Variants in RIPOR2 observed in about 807,000 individuals in gnomAD.
RIPOR2 encodes the protein RHO family interacting cell polarization regulator 2, also known as rho family-interacting cell polarization regulator 2.
A neutral mutation model predicts 114.5 loss-of-function variants in RIPOR2; 39 were observed. The observed-to-expected ratio is 0.34, with a 90% CI of 0.26 to 0.44. The LOEUF is 0.44. Among genes scored for constraint, RIPOR2 ranks in the 20% least tolerant of loss-of-function variants. The probability of loss-of-function intolerance (pLI) is 1.00; values close to 1 mark genes in which losing one functional copy is unlikely to be tolerated. For synonymous variants in RIPOR2, 445 were observed against 484.4 expected, an observed-to-expected ratio of 0.92 and a Z score of 1.07; for missense variants, 1,007 against 1,255.1, an observed-to-expected ratio of 0.80 and a Z score of 2.99.
chr6:24,942,316 A>C lies in RIPOR2; in HGVS notation c.77-66499T>G, dbSNP rs55825750. Among the ~76,000 whole-genome samples the C allele has an allele frequency of 2.6e-3, 403 of 152,346 alleles. 1 individual carries two copies. The highest frequency in any genetic ancestry group is 9.1e-3 in the African/African-American group (378 of 41,574). ...ATCAAGAAATGTATTTTTAAATAATAATTTATTACATGATATTTGACATAC... is the reference window on the plus strand; with the variant it reads ...ATCAAGAAATGTATTTTTAAATAATCATTTATTACATGATATTTGACATAC... On this transcript the variant is annotated intron_variant, in intron 1 of 13. Coordinates refer to the RIPOR2 transcript ENST00000510784.
At chr6:24,880,877 T>C (rs1161798172) in intron 1 of RIPOR2, among the ~76,000 whole-genome samples, 1 of 152,204 alleles carries the variant, frequency 6.6e-6, no homozygotes, top group Non-Finnish European at 1.5e-5. Context: ...TATACTCATA[T>C]ATACCCGATA....
chr6:24,836,179 C>T (rs903895894), intron 14 of RIPOR2: 9 of 332,340 alleles, frequency 2.7e-5, no homozygotes, highest in African/African-American at 4.2e-5. Flanking sequence ...GAATGTGTTG[C>T]ACTTTCCTGC....
chr6:24,882,072 G>T (rs1443033028), intron 1 of RIPOR2, among the ~76,000 whole-genome samples: 1 of 152,220 alleles, frequency 6.6e-6, no homozygotes, highest in Non-Finnish European at 1.5e-5. Context: ...CATCTGTCAT[G>T]TGGCAGGCCC....
intron 1 of RIPOR2, among the ~76,000 whole-genome samples, chr6:24,969,967 T>A (rs1773703975): frequency 6.6e-6 from 1 of 152,160 alleles, no homozygotes. Context: ...ACATGGTAGC[T>A]GTTCAATAAA....
chr6:24,935,267 C>CACTGCACT (rs956447039), intron 1 of RIPOR2, among the ~76,000 whole-genome samples: 1 of 144,054 alleles, frequency 6.9e-6, no homozygotes, highest in Non-Finnish European at 1.5e-5. Context: ...GAGATTGCAC[C>CACTGCACT]ACTGCACTCC....
At chr6:25,019,566 G>A (rs903663948) in intron 1 of RIPOR2, among the ~76,000 whole-genome samples, 5 of 151,398 alleles carry the variant, frequency 3.3e-5, no homozygotes, top group Middle Eastern at 3.4e-3. Context: ...TCAGGAGATC[G>A]AGACCATCCT....
At chr6:24,819,021 C>T (rs1759428604) in intron 19 of RIPOR2, among the ~76,000 whole-genome samples, 4 of 151,810 alleles carry the variant, frequency 2.6e-5, no homozygotes, top group Admixed American at 2.6e-4. Flanking sequence ...CTTTATGTCC[C>T]ATCATAAAGG....
At chr6:24,962,223 C>T (rs1773339260) in intron 1 of RIPOR2, among the ~76,000 whole-genome samples, 1 of 152,334 alleles carries the variant, frequency 6.6e-6, no homozygotes, top group South Asian at 2.1e-4. Flanking sequence ...GAATATCTGG[C>T]AACTGAGATT....
In RIPOR2 at chr6:24,934,660, C is replaced by T. The variant is rs1419035788; in HGVS notation, c.61+1178G>A. On this transcript the variant is annotated intron_variant, in intron 1 of 21. Coordinates refer to ENST00000643898, the MANE Select transcript of RIPOR2 (RefSeq NM_001286445.3). ...TAGAGTTTTTTAAAAAATTGCTAGA[C>T]GTAGTTTCTTGCGGAAAATAATCAA... 3.9e-5 allele frequency among the ~76,000 whole-genome samples: 6 copies of T among 152,144 alleles called. No homozygotes were observed. In the East Asian group the frequency reaches 5.8e-4, roughly 15 times the overall value.
chr6:24,906,083 A>T (rs1294817627), intron 1 of RIPOR2, among the ~76,000 whole-genome samples: 1 of 152,034 alleles, frequency 6.6e-6, no homozygotes. Flanking sequence ...TCATTGGCCA[A>T]CCTTGTTCTA....
intron 1 of RIPOR2, chr6:25,024,308 CT>C: frequency 6.6e-7 from 1 of 1,517,654 alleles, no homozygotes; most frequent in Non-Finnish European, 9.1e-7. Flanking sequence ...CAATGAACAC[CT>C]TTTTGGCCCC....
At position 24,809,591 on chromosome 6, in the gene RIPOR2, G is replaced by A. The variant is rs1184096586; in HGVS notation, c.3043+126C>T. ...TCTGTGTGTGAGAAGACAGCCTACA[G>A]CGGGGAAACTGCTAAACAGGGTACA... On this transcript the variant is annotated intron_variant, in intron 21 of 21. Coordinates refer to ENST00000643898, the MANE Select transcript of RIPOR2 (RefSeq NM_001286445.3). 2.1e-5 allele frequency: 14 copies of A among 670,288 alleles called. No individual in the cohort carries two copies. The Middle Eastern group carries it at 1.2e-3, about 58-fold the overall frequency. 41.5% of individuals were successfully genotyped at this position (670,288 alleles called of 1,614,324 possible). A position where few individuals can be genotyped will look rare whatever the true frequency, so the allele number is the denominator to read the frequency against.
chr6:24,834,518 G>T (rs1386584997), intron 15 of RIPOR2, among the ~76,000 whole-genome samples: 1 of 151,950 alleles, frequency 6.6e-6, no homozygotes, highest in African/African-American at 2.4e-5. Flanking sequence ...CTCCCAAAGT[G>T]CTGGGTTTGA....
intron 1 of RIPOR2, among the ~76,000 whole-genome samples, chr6:25,033,683 G>A (rs961844368): frequency 6.6e-6 from 1 of 152,074 alleles, no homozygotes; most frequent in African/African-American, 2.4e-5. Context: ...TTTTATATTT[G>A]TATCTGCCTT....
chr6:24,972,301 GCAA>G (rs542881636), intron 1 of RIPOR2, among the ~76,000 whole-genome samples: 1 of 152,332 alleles, frequency 6.6e-6, no homozygotes, highest in East Asian at 1.9e-4. Flanking sequence ...TATGTAGTCA[GCAA>G]CAACAACAAA....
rs147484349 is a variant in RIPOR2 at position 24,978,389 on chromosome 6, C to T, written c.76+63462G>A. On this transcript the variant is annotated intron_variant, in intron 1 of 13. Coordinates refer to the RIPOR2 transcript ENST00000510784. Reference sequence around the variant, plus strand: ...CTCCTCTCTGTGCCGCCATACTGCTCGCATGAGTATATAAATATATATCAC... The same window carrying T: ...CTCCTCTCTGTGCCGCCATACTGCTTGCATGAGTATATAAATATATATCAC... 1.7e-4 allele frequency among the ~76,000 whole-genome samples: 26 copies of T among 152,180 alleles called. 1 individual carries two copies. Among genetic ancestry groups the T allele is most frequent in the Admixed American group, 1.4e-3 (21 of 15,288 alleles).
At chr6:25,031,690 A>G (rs1247877974) in intron 1 of RIPOR2, among the ~76,000 whole-genome samples, 1 of 92,056 alleles carries the variant, frequency 1.1e-5, no homozygotes, top group Non-Finnish European at 2.1e-5. Context: ...TATGTGATGT[A>G]GGTGGTAGTT....
chr6:24,983,947 C>A lies in RIPOR2; in HGVS notation c.76+57904G>T, dbSNP rs149556574. On this transcript the variant is annotated intron_variant, in intron 1 of 13. Transcript: ENST00000510784. Reference sequence around the variant, plus strand: ...AGAAGCATCCCTAAAAGGTGGAGCACCCCATTTTTTGGTTTCTTTTCTGCT... The same window carrying A: ...AGAAGCATCCCTAAAAGGTGGAGCAACCCATTTTTTGGTTTCTTTTCTGCT... Among the ~76,000 whole-genome samples the A allele has an allele frequency of 3.7e-4, 56 of 152,024 alleles. No individual in the cohort carries two copies. In the East Asian group the frequency reaches 0.011, roughly 29 times the overall value.
At chr6:24,975,739 CTA>C (rs906680937) in intron 1 of RIPOR2, among the ~76,000 whole-genome samples, 121 of 152,154 alleles carry the variant, frequency 8.0e-4, no homozygotes, top group African/African-American at 2.9e-3. Flanking sequence ...AAAAAAGTAA[CTA>C]TGTGAGGTGA....
Sources: allele counts gnomAD v4.1 joint callset (sites outside exome capture counted in the v4.1 genomes callset), GRCh38; gene constraint gnomAD v4.1.1; transcripts MANE v1.5; gene names NCBI Gene and HGNC (gene_info 2026-07-23, HGNC 2026-07-21).